Variants in TMEM129 observed in about 807,000 individuals in gnomAD.
TMEM129 encodes E3 ubiquitin-protein ligase TM129.
TMEM129 carries 35 observed loss-of-function variants against 34.1 expected under a neutral mutation model. That is an observed-to-expected ratio of 1.03 (90% CI 0.78 to 1.36). TMEM129 has a LOEUF of 1.36. Ranked by LOEUF, TMEM129 falls within the 40% of genes most tolerant of loss-of-function variation. The probability of loss-of-function intolerance (pLI) is 0.00; values close to 1 mark genes in which losing one functional copy is unlikely to be tolerated. For synonymous variants in TMEM129, 239 were observed against 217.3 expected (o/e 1.10, Z -0.88); for missense variants, 504 against 512.6 (o/e 0.98, Z 0.16).
chr4:1,717,123 T>A lies in TMEM129; in HGVS notation c.*57A>T, dbSNP rs1328434546. The A allele has an allele frequency of 5.4e-5, 74 of 1,380,762 alleles. No homozygotes were observed. Among genetic ancestry groups the A allele is most frequent in the Non-Finnish European group, 6.3e-5 (67 of 1,067,596 alleles). The allele number at this position is 1,380,762 out of a possible 1,614,324, so 85.5% of individuals were successfully genotyped here. A position where few individuals can be genotyped will look rare whatever the true frequency, so the allele number is the denominator to read the frequency against. ...CCAGCCAGGAGGCCCAGCCACCCCCTTCCCTGCCCTGTGGCTTTGGGGGGA... is the reference window on the plus strand; with the variant it reads ...CCAGCCAGGAGGCCCAGCCACCCCCATCCCTGCCCTGTGGCTTTGGGGGGA... On this transcript the variant is annotated 3_prime_UTR_variant, in exon 4 of 4. Transcript: ENST00000382936.
Position 1,718,162 on chromosome 4 carries a change from A to T in TMEM129, c.670T>A (p.Phe224Ile). The change falls in exon 2 of 4, where the codon TTT becomes ATT. Residue 224 changes from phenylalanine (F) to isoleucine (I), a missense_variant. By Grantham distance (21) the Phe-to-Ile change is conservative (BLOSUM62 0). Transcript: ENST00000382936. ...GCACCACACTCTTACCAGATGTCAA[A>T]GGCCTGCACAGCAGGGTTGGTGCTG... ...VASTNPAVQA[F>I]DIWLNSTEYG... is the part of the protein sequence containing the mutation. The T allele has an allele frequency of 6.4e-7, 1 of 1,559,218 alleles. No individual in the cohort carries two copies. Among genetic ancestry groups the T allele is most frequent in the African/African-American group, 1.4e-5 (1 of 73,700 alleles).
chr4:1,716,392 TA>T lies in TMEM129; in HGVS notation c.*787del, dbSNP rs1716960335. The T allele has an allele frequency of 6.6e-6, 1 of 152,286 alleles. No homozygotes were observed. Among genetic ancestry groups the T allele is most frequent in the Admixed American group, 6.5e-5 (1 of 15,276 alleles). 9.4% of individuals were successfully genotyped at this position (152,286 alleles called of 1,614,324 possible). A position where few individuals can be genotyped will look rare whatever the true frequency, so the allele number is the denominator to read the frequency against. ...ATCCCCTTCTGAGCCTGGGAGACCC[TA>T]GGGGAGTGGGTAGCCTGGGCTGGAC... On this transcript the variant is annotated 3_prime_UTR_variant, in exon 4 of 4. Coordinates refer to ENST00000382936, the MANE Select transcript of TMEM129 (RefSeq NM_001127266.2).
chr4:1,718,822 G>T, intron 1 of TMEM129, 196 bp from the exon 2 acceptor site: 1 of 1,399,568 alleles, frequency 7.1e-7, no homozygotes. Flanking sequence ...AGCGGAAAAG[G>T]TTTTTAATTT....
chr4:1,717,242 G>A lies in TMEM129; in HGVS notation c.1027C>T (p.Arg343Cys), dbSNP rs761945434. The A allele has an allele frequency of 3.5e-5, 53 of 1,513,592 alleles. 1 individual carries two copies. Among genetic ancestry groups the A allele is most frequent in the Admixed American group, 1.4e-4 (7 of 49,830 alleles). The allele number at this position is 1,513,592 out of a possible 1,614,324, so 93.8% of individuals were successfully genotyped here. ...PLRPDTWLAS[R>C]VPCPTCRARF... is the part of the protein sequence containing the mutation. ...GCGCGGCAGGTGGGGCAGGGCACGC[G>A]GCTGGCCAGCCAGGTGTCAGGGCGC... is the stretch of plus-strand genomic sequence containing the variant. The change falls in exon 4 of 4, where the codon CGC (arginine) becomes TGC (cysteine). Residue 343 changes from arginine (R) to cysteine (C), a missense_variant. Arg to Cys is a radical substitution (Grantham distance 180). Transcript: ENST00000382936.
At chr4:1,719,041 C>A in intron 1 of TMEM129, 1 of 1,282,848 alleles carries the variant, frequency 7.8e-7, no homozygotes, top group Middle Eastern at 2.5e-4. Flanking sequence ...AAGTTATGTG[C>A]GAGAAAGGAA....
chr4:1,719,247 T>C (rs1471480317), intron 1 of TMEM129: 1 of 459,400 alleles, frequency 2.2e-6, no homozygotes, highest in Non-Finnish European at 4.4e-6. Flanking sequence ...CAAGGTAACA[T>C]GACATATAAC....
rs1717247683 is a variant in TMEM129 at position 1,720,479 on chromosome 4, C to T, written c.205+154G>A. Among the ~76,000 whole-genome samples, 1 of 152,262 alleles carries T rather than the reference C, an allele frequency of 6.6e-6. No individual in the cohort carries two copies. Among genetic ancestry groups the T allele is most frequent in the African/African-American group, 2.4e-5 (1 of 41,472 alleles). On this transcript the variant is annotated intron_variant, in intron 1 of 3. Coordinates refer to ENST00000382936, the MANE Select transcript of TMEM129 (RefSeq NM_001127266.2). This position sits in a 1 kb window ranked among gnomAD's most constrained non-coding sequence, Gnocchi z 4.4. ...GGCGGCGCCCCTAAGCGCGCTCAGC[C>T]CACGCCGCGGTCCCTCTGGATGAGG...
At position 1,720,920 on chromosome 4, in the gene TMEM129, G is replaced by A; in HGVS notation, c.-83C>T. The A allele has an allele frequency of 1.6e-6, 2 of 1,247,442 alleles. No homozygotes were observed. Among genetic ancestry groups the A allele is most frequent in the Non-Finnish European group, 2.1e-6 (2 of 975,292 alleles). The allele number at this position is 1,247,442 out of a possible 1,614,324, so 77.3% of individuals were successfully genotyped here. On this transcript the variant is annotated 5_prime_UTR_variant, in exon 1 of 4. Coordinates refer to ENST00000382936, the MANE Select transcript of TMEM129 (RefSeq NM_001127266.2). This position sits in a 1 kb window ranked among gnomAD's most constrained non-coding sequence, Gnocchi z 4.4. ...CGCAGCGCCCAGTCCCGGACCTGTC[G>A]GTTGCGGCGGCCGCCGCCCGGCCGC...
Position 1,718,224 on chromosome 4 carries a change from G to A in TMEM129, c.608C>T (p.Ser203Leu), listed in dbSNP as rs768406991. 43 of 1,600,350 alleles carry A rather than the reference G, an allele frequency of 2.7e-5. No individual in the cohort carries two copies. Among genetic ancestry groups the A allele is most frequent in the Non-Finnish European group, 3.4e-5 (40 of 1,173,630 alleles). The stretch of plus-strand genomic sequence containing the variant: ...GGTGAGGAGCTGCACGGGCAAGTTC[G>A]AGTCTGGCGAGAGCTCATGCTGCCG... ...ESRQHELSPD[S>L]NLPVQLLTIR... The change falls in exon 2 of 4, where the codon TCG becomes TTG. Residue 203 changes from serine to leucine, a missense_variant. Ser to Leu is a moderately radical substitution (Grantham distance 145). Coordinates refer to ENST00000382936, the MANE Select transcript of TMEM129 (RefSeq NM_001127266.2).
Position 1,716,968 on chromosome 4 carries a change from T to C in TMEM129, c.*212A>G. On this transcript the variant is annotated 3_prime_UTR_variant, in exon 4 of 4. Coordinates refer to ENST00000382936, the MANE Select transcript of TMEM129 (RefSeq NM_001127266.2). ...AGGCAAAGAGGAGGTGCCCAGGACTTGTACCCTGGCTGCCAAGCAGGGTGG... is the reference window on the plus strand; with the variant it reads ...AGGCAAAGAGGAGGTGCCCAGGACTCGTACCCTGGCTGCCAAGCAGGGTGG... 3.9e-6 allele frequency: 2 copies of C among 513,840 alleles called. No individual in the cohort carries two copies. The highest frequency in any genetic ancestry group is 6.2e-6 in the Non-Finnish European group (2 of 324,286). 31.8% of individuals were successfully genotyped at this position (513,840 alleles called of 1,614,324 possible).
Position 1,720,143 on chromosome 4 carries a change from C to T in TMEM129, c.205+490G>A, listed in dbSNP as rs540778642. Among the ~76,000 whole-genome samples the T allele has an allele frequency of 4.6e-5, 7 of 152,298 alleles. No individual in the cohort carries two copies. In the East Asian group the frequency reaches 1.4e-3, roughly 29 times the overall value. The stretch of plus-strand genomic sequence containing the variant: ...GACAACTCTGAGCGTCCCACCTGCA[C>T]TGCACAGAGGCCCTCCCCAGCCTCT... On this transcript the variant is annotated intron_variant, in intron 1 of 3. Transcript: ENST00000382936. The surrounding 1 kb of genome is among the most constrained non-coding windows in gnomAD (Gnocchi z 4.4).
chr4:1,719,513 C>T (rs534019233), intron 1 of TMEM129, among the ~76,000 whole-genome samples: 9 of 152,058 alleles, frequency 5.9e-5, no homozygotes, highest in South Asian at 2.1e-4. Context: ...AGCGAGGCTC[C>T]GTCTCAAAAA....
Position 1,717,318 on chromosome 4 carries a change from C to A in TMEM129, c.951G>T (p.Met317Ile). ...GECQQCYCRP[M>I]WCLTCMGKWF... ...ACTTGCCCATGCAGGTGAGGCACCA[C>A]ATGGGGCGGCAGTAACACTGCTGGC... The change falls in exon 4 of 4, where the codon ATG becomes ATT. Residue 317 changes from methionine to isoleucine, a missense_variant. Transcript: ENST00000382936. 1.3e-6 allele frequency: 2 copies of A among 1,536,484 alleles called. No homozygotes were observed. Among genetic ancestry groups the A allele is most frequent in the African/African-American group, 2.7e-5 (2 of 72,944 alleles).
intron 1 of TMEM129, chr4:1,719,067 T>G (rs61675353): frequency 0.35 from 448,744 of 1,285,380 alleles, 81,851 homozygotes; most frequent in East Asian, 0.69. Context: ...TCTCAAAGAA[T>G]GATGGGACAT....
At chr4:1,719,178 AG>A (rs538293645) in intron 1 of TMEM129, 67 of 631,366 alleles carry the variant, frequency 1.1e-4, no homozygotes, top group Non-Finnish European at 1.6e-4. Context: ...TTGCACCAGC[AG>A]GTTCCAGTTG....
rs1249251828 is a variant in TMEM129, at chr4:1,717,610, T to C, written c.746A>G (p.His249Arg). 6 of 1,549,544 alleles carry C rather than the reference T, an allele frequency of 3.9e-6. No homozygotes were observed. Among genetic ancestry groups the C allele is most frequent in the South Asian group, 1.2e-5 (1 of 83,874 alleles). ...GCCCAGGCTCTGGTGGATGACCACA[T>C]GGGCTGCCCTGCGGATGGGTGCCCG... ...KLRAPIRRAA[H>R]VVIHQSLGDL... is the part of the protein sequence containing the mutation. Residue 249 changes from histidine to arginine, a missense_variant, in exon 3 of 4, where the codon CAT becomes CGT. Transcript: ENST00000382936.
At position 1,719,163 on chromosome 4, in the gene TMEM129, A is replaced by G. The variant is rs960454795; in HGVS notation, c.206-537T>C. ...GTCCAAATAAGCCATGGAGATGGTG[A>G]GGAGTTGCACCAGCAGGTTCCAGTT... On this transcript the variant is annotated intron_variant, in intron 1 of 3. Transcript: ENST00000382936. 4.1e-6 allele frequency: 3 copies of G among 736,786 alleles called. No individual in the cohort carries two copies. In the African/African-American group the frequency reaches 5.4e-5, roughly 13 times the overall value. 45.6% of individuals were successfully genotyped at this position (736,786 alleles called of 1,614,324 possible). A position where few individuals can be genotyped will look rare whatever the true frequency, so the allele number is the denominator to read the frequency against.
In TMEM129 at chr4:1,720,782, A is replaced by G; in HGVS notation, c.56T>C (p.Phe19Ser). 6.3e-7 allele frequency: 1 copy of G among 1,595,358 alleles called. No individual in the cohort carries two copies. Among genetic ancestry groups the G allele is most frequent in the Non-Finnish European group, 8.5e-7 (1 of 1,172,190 alleles). ...TLAYLVFAVCFVFTPNEFHAA... is the reference protein window; with the variant it reads ...TLAYLVFAVCSVFTPNEFHAA... ...GTGGAACTCGTTGGGCGTGAACACG[A>G]AGCACACGGCGAACACCAGATAGGC... Residue 19 changes from phenylalanine (F) to serine (S), a missense_variant, in exon 1 of 4, where the codon TTC becomes TCC. Phe to Ser is a radical substitution (Grantham distance 155). Coordinates refer to ENST00000382936, the MANE Select transcript of TMEM129 (RefSeq NM_001127266.2). This position sits in a 1 kb window ranked among gnomAD's most constrained non-coding sequence, Gnocchi z 4.4.
rs577825748 is a variant in TMEM129 at position 1,720,052 on chromosome 4, A to G, written c.205+581T>C. 2.0e-5 allele frequency among the ~76,000 whole-genome samples: 3 copies of G among 151,476 alleles called. No individual in the cohort carries two copies. Among genetic ancestry groups the G allele is most frequent in the Non-Finnish European group, 2.9e-5 (2 of 67,802 alleles). On this transcript the variant is annotated intron_variant, in intron 1 of 3. Coordinates refer to ENST00000382936, the MANE Select transcript of TMEM129 (RefSeq NM_001127266.2). The surrounding 1 kb of genome is among the most constrained non-coding windows in gnomAD (Gnocchi z 4.4). ...CCACCTCCCACCTGTCCGTCATCCA[A>G]TCAGCTGAGAGAGGGACCTTCCAGA...
Sources: allele counts gnomAD v4.1 joint callset (sites outside exome capture counted in the v4.1 genomes callset), GRCh38; gene constraint gnomAD v4.1.1; non-coding constraint Gnocchi (gnomAD v3.1); transcripts MANE v1.5; gene names NCBI Gene and HGNC (gene_info 2026-07-23, HGNC 2026-07-21).